FGD3: variants seen among roughly 807,000 people sequenced by gnomAD.
FGD3 encodes FYVE, RhoGEF and PH domain containing 3, also known as FYVE, RhoGEF and PH domain-containing protein 3.
In FGD3, 45 loss-of-function variants were observed where a neutral mutation model predicts 71.8. The ratio of observed to expected loss-of-function variants is 0.63; its 90% CI spans 0.49 to 0.80. The LOEUF is 0.80. Ranked by LOEUF, FGD3 falls within the 30% of genes least tolerant of loss-of-function variation. The probability of loss-of-function intolerance (pLI) is 0.00; values close to 1 mark genes in which losing one functional copy is unlikely to be tolerated. For synonymous variants in FGD3, 378 were observed against 392.8 expected, an observed-to-expected ratio of 0.96 and a Z score of 0.44; for missense variants, 844 against 951.5, an observed-to-expected ratio of 0.89 and a Z score of 1.49.
At chr9:92,981,368 C>CAA (rs11454338) in intron 3 of FGD3, among the ~76,000 whole-genome samples, 1,320 of 111,244 alleles carry the variant, frequency 0.012, 12 homozygotes, top group Middle Eastern at 0.021. Context: ...ATTCCATCTC[C>CAA]AAAAAAAAAA....
chr9:92,980,970 C>CAA (rs367690417), intron 3 of FGD3, among the ~76,000 whole-genome samples: 1 of 116,848 alleles, frequency 8.6e-6, no homozygotes, highest in Non-Finnish European at 1.8e-5. Context: ...GACTCCATCT[C>CAA]AAAAAAAAAA....
intron 3 of FGD3, among the ~76,000 whole-genome samples, chr9:93,001,790 G>A (rs1860866469): frequency 6.6e-6 from 1 of 152,182 alleles, no homozygotes; most frequent in Admixed American, 6.6e-5. Context: ...ATGCAGGCCT[G>A]TCTATGTGAT....
intron 6 of FGD3, among the ~76,000 whole-genome samples, chr9:93,009,266 A>AC (rs1861200524): frequency 6.6e-6 from 1 of 152,014 alleles, no homozygotes; most frequent in Non-Finnish European, 1.5e-5. Flanking sequence ...CCGTCTCAAA[A>AC]AAAAAAAAGT....
chr9:93,025,907 C>G (rs976351251), intron 14 of FGD3, among the ~76,000 whole-genome samples: 6 of 152,222 alleles, frequency 3.9e-5, no homozygotes, highest in Non-Finnish European at 8.8e-5. Context: ...GCCCTGTGTC[C>G]ACCCTCGGGG....
In FGD3 at chr9:93,035,385, T is replaced by C; in HGVS notation, c.1974T>C (p.Ser658=). 1.2e-6 allele frequency: 2 copies of C among 1,611,066 alleles called. No individual in the cohort carries two copies. The highest frequency in any genetic ancestry group is 1.1e-5 in the South Asian group (1 of 90,548). ...TCCCTCTCCCCAGCTGCAAACTGAGTGTGCCGGACCCTGAGGAGAGGCTGG... is the reference window on the plus strand; with the variant it reads ...TCCCTCTCCCCAGCTGCAAACTGAGCGTGCCGGACCCTGAGGAGAGGCTGG... ...RTIPLPSCKL[S]VPDPEERLDS... Residue 658 remains serine, a synonymous_variant, in exon 18 of 18, where the codon AGT becomes AGC. Coordinates refer to ENST00000375482, the MANE Select transcript of FGD3 (RefSeq NM_001083536.2).
At chr9:92,986,235 A>G (rs1385827550) in intron 3 of FGD3, among the ~76,000 whole-genome samples, 1 of 152,102 alleles carries the variant, frequency 6.6e-6, no homozygotes, top group African/African-American at 2.4e-5. Context: ...CCTTATCTCC[A>G]TGACCTTATA....
intron 3 of FGD3, among the ~76,000 whole-genome samples, chr9:92,995,918 A>G (rs1209913063): frequency 1.3e-5 from 2 of 152,106 alleles, no homozygotes; most frequent in East Asian, 3.9e-4. Flanking sequence ...TTCATCAGGG[A>G]TATTGGTCTA....
chr9:92,978,052 G>T (rs528294589), intron 3 of FGD3, among the ~76,000 whole-genome samples: 11 of 152,316 alleles, frequency 7.2e-5, no homozygotes, highest in Admixed American at 3.3e-4. Context: ...GGAGGCCGAG[G>T]TGGGTGGATC....
intron 14 of FGD3, among the ~76,000 whole-genome samples, chr9:93,023,404 G>A (rs1054502200): frequency 1.3e-5 from 2 of 152,294 alleles, no homozygotes; most frequent in South Asian, 4.1e-4. Flanking sequence ...GTGGAGGCGT[G>A]GGGGGCTTGC....
intron 3 of FGD3, among the ~76,000 whole-genome samples, chr9:92,981,300 G>A (rs779097879): frequency 2.6e-5 from 4 of 150,994 alleles, no homozygotes; most frequent in African/African-American, 4.9e-5. Flanking sequence ...CCTGGGAGGC[G>A]GAGCTTGCAG....
At chr9:92,982,749 C>G (rs1006233369) in intron 3 of FGD3, among the ~76,000 whole-genome samples, 1 of 152,052 alleles carries the variant, frequency 6.6e-6, no homozygotes, top group Admixed American at 6.6e-5. Context: ...TATCAGAAAC[C>G]TGCATTTAGG....
At chr9:93,015,230 C>T (rs10992576) in intron 9 of FGD3, among the ~76,000 whole-genome samples, 10,440 of 151,946 alleles carry the variant, frequency 0.069, 572 homozygotes, top group African/African-American at 0.15. Flanking sequence ...CTGAGGTGGG[C>T]GGATCACCTG....
At chr9:92,990,493 G>C (rs1422287516) in intron 3 of FGD3, among the ~76,000 whole-genome samples, 1 of 152,162 alleles carries the variant, frequency 6.6e-6, no homozygotes, top group Non-Finnish European at 1.5e-5. Flanking sequence ...TCCTTGTCTT[G>C]TTCCAATTCT....
Position 92,969,903 on chromosome 9 carries a change from C to A in FGD3, c.-217-5335C>A, listed in dbSNP as rs1052726346. On this transcript the variant is annotated intron_variant, in intron 1 of 17. Transcript: ENST00000375482. The surrounding 1 kb of genome is among the most constrained non-coding windows in gnomAD (Gnocchi z 4.5). ...CTGGATTCTGGGGCATTCTAAATTTCTTCAGGTTTGTGGATTTCCTCGTGC... is the reference window on the plus strand; with the variant it reads ...CTGGATTCTGGGGCATTCTAAATTTATTCAGGTTTGTGGATTTCCTCGTGC... 6.6e-6 allele frequency among the ~76,000 whole-genome samples: 1 copy of A among 152,218 alleles called. No individual in the cohort carries two copies. The highest frequency in any genetic ancestry group is 1.5e-5 in the Non-Finnish European group (1 of 68,044).
chr9:92,970,463 A>C (rs1401884003), intron 1 of FGD3, among the ~76,000 whole-genome samples: 1 of 152,216 alleles, frequency 6.6e-6, no homozygotes, highest in Non-Finnish European at 1.5e-5. Flanking sequence ...AAGAAAAGAA[A>C]GGATGAATCA....
chr9:93,032,687 GCCCACT>G, intron 15 of FGD3, 76 bp from the exon 16 acceptor site: 1 of 1,006,750 alleles, frequency 9.9e-7, no homozygotes, highest in Non-Finnish European at 1.5e-6. Flanking sequence ...TCCACCTCCC[GCCCACT>G]CTACCTCCTC....
intron 1 of FGD3, among the ~76,000 whole-genome samples, chr9:92,971,566 C>CTTTTCT (rs1859533485): frequency 2.5e-5 from 1 of 39,570 alleles, no homozygotes; most frequent in Non-Finnish European, 4.6e-5. Flanking sequence ...CTTTTCTTTT[C>CTTTTCT]TTTTTTTTTT....
At chr9:93,029,491 G>T (rs1862273178) in intron 14 of FGD3, among the ~76,000 whole-genome samples, 1 of 152,222 alleles carries the variant, frequency 6.6e-6, no homozygotes, top group African/African-American at 2.4e-5. Flanking sequence ...AGACAGGGAT[G>T]CCCCCGTCCC....
rs1327827982 is a variant in FGD3 at position 93,010,297 on chromosome 9, G to A, written c.889G>A (p.Val297Met). Residue 297 changes from valine to methionine, a missense_variant, in exon 7 of 18, where the codon GTG becomes ATG. Physicochemically the swap from Val to Met is conservative, Grantham distance 21 (BLOSUM62 1). Transcript: ENST00000375482. ...GCTGCAGCACCACATGCTGGAGCCC[G>A]TGCAGAGGGTCCCCCGGTACGAGCT... The part of the protein sequence containing the change: ...LTLQHHMLEP[V>M]QRVPRYELLL... 22 of 1,613,502 alleles carry A rather than the reference G, an allele frequency of 1.4e-5. No individual in the cohort carries two copies. The highest frequency in any genetic ancestry group is 3.3e-5 in the South Asian group (3 of 91,062).
Sources: allele counts gnomAD v4.1 joint callset (sites outside exome capture counted in the v4.1 genomes callset), GRCh38; gene constraint gnomAD v4.1.1; non-coding constraint Gnocchi (gnomAD v3.1); transcripts MANE v1.5; gene names NCBI Gene and HGNC (gene_info 2026-07-23, HGNC 2026-07-21).